GABRB3: variants seen among roughly 807,000 people sequenced by gnomAD.
GABRB3 encodes the protein gamma-aminobutyric acid type A receptor subunit beta3, also known as gamma-aminobutyric acid receptor subunit beta-3.
A neutral mutation model predicts 52.1 loss-of-function variants in GABRB3; 14 were observed. The ratio of observed to expected loss-of-function variants is 0.27; its 90% CI spans 0.18 to 0.42. GABRB3 has a LOEUF of 0.42. Ranked by LOEUF, GABRB3 falls within the 10% of genes least tolerant of loss-of-function variation. GABRB3 has a pLI of 1.00. For synonymous variants in GABRB3, 260 were observed against 232.3 expected (o/e 1.12, Z -1.08); for missense variants, 307 against 609.1 (o/e 0.50, Z 5.22).
intron 3 of GABRB3, among the ~76,000 whole-genome samples, chr15:26,682,968 G>A (rs1474139345): frequency 6.6e-6 from 1 of 152,164 alleles, no homozygotes; most frequent in Non-Finnish European, 1.5e-5. Flanking sequence ...AATGGCTGTT[G>A]GCCACTAGAG....
At chr15:26,742,045 G>GT (rs140037088) in intron 3 of GABRB3, among the ~76,000 whole-genome samples, 65 of 152,058 alleles carry the variant, frequency 4.3e-4, no homozygotes, top group African/African-American at 1.4e-3. Context: ...AAAGTACGCG[G>GT]TTTTTTTTAT....
chr15:26,596,566 T>C (rs985887041), intron 4 of GABRB3, among the ~76,000 whole-genome samples: 1 of 152,158 alleles, frequency 6.6e-6, no homozygotes, highest in Non-Finnish European at 1.5e-5. Context: ...AAATTATACA[T>C]TTATGGGTAA....
intron 3 of GABRB3, among the ~76,000 whole-genome samples, chr15:26,657,684 G>GT (rs2140603464): frequency 1.3e-5 from 2 of 152,198 alleles, no homozygotes; most frequent in East Asian, 3.9e-4. Context: ...ATTTCAAAGG[G>GT]TTTTATTCAC....
chr15:26,564,175 C>T (rs1890082706), intron 7 of GABRB3, among the ~76,000 whole-genome samples: 1 of 152,004 alleles, frequency 6.6e-6, no homozygotes, highest in African/African-American at 2.4e-5. Flanking sequence ...ATTAGGGATG[C>T]TCAAACTAAG....
At chr15:26,636,992 C>G (rs1387068525) in intron 3 of GABRB3, among the ~76,000 whole-genome samples, 1 of 152,174 alleles carries the variant, frequency 6.6e-6, no homozygotes, top group East Asian at 1.9e-4. Context: ...GTCTTGTTCC[C>G]ATTGGAGCAA....
intron 6 of GABRB3, among the ~76,000 whole-genome samples, chr15:26,578,355 G>A (rs546578899): frequency 6.6e-6 from 1 of 152,296 alleles, no homozygotes; most frequent in Admixed American, 6.5e-5. Flanking sequence ...AATAAATGCA[G>A]GACTCAGTAT....
At chr15:26,604,127 G>A in intron 4 of GABRB3, among the ~76,000 whole-genome samples, 1 of 151,816 alleles carries the variant, frequency 6.6e-6, no homozygotes. Context: ...TGGCAACAGT[G>A]AACAATCTAA....
chr15:26,715,058 A>G (rs1442440369), intron 3 of GABRB3, among the ~76,000 whole-genome samples: 1 of 152,174 alleles, frequency 6.6e-6, no homozygotes. Flanking sequence ...ATCCATACTG[A>G]GGGCATGCAG....
intron 3 of GABRB3, among the ~76,000 whole-genome samples, chr15:26,753,238 A>G (rs1275809213): frequency 6.6e-6 from 1 of 152,054 alleles, no homozygotes; most frequent in African/African-American, 2.4e-5. Flanking sequence ...CCTTCACGAC[A>G]CACATCAAGC....
At chr15:26,769,602 A>C (rs1186654635) in intron 3 of GABRB3, among the ~76,000 whole-genome samples, 1 of 152,100 alleles carries the variant, frequency 6.6e-6, no homozygotes, top group East Asian at 1.9e-4. Context: ...TCATCCACCC[A>C]TTCGTAACTC....
chr15:26,570,353 G>A (rs1890348152), intron 6 of GABRB3, among the ~76,000 whole-genome samples: 1 of 152,194 alleles, frequency 6.6e-6, no homozygotes. Flanking sequence ...TCCGTTTCTT[G>A]TAAATGTGGA....
At chr15:26,637,376 G>T (rs1313085449) in intron 3 of GABRB3, among the ~76,000 whole-genome samples, 1 of 152,164 alleles carries the variant, frequency 6.6e-6, no homozygotes, top group Non-Finnish European at 1.5e-5. Context: ...TACTCTAGAT[G>T]ATAGGTTTAT....
chr15:26,581,429 CTCTT>C (rs1890785202), intron 5 of GABRB3, among the ~76,000 whole-genome samples: 1 of 152,228 alleles, frequency 6.6e-6, no homozygotes, highest in Non-Finnish European at 1.5e-5. Context: ...CTACTCTCCT[CTCTT>C]TAATAAAACA....
chr15:26,755,300 C>T (rs1358811383), intron 3 of GABRB3, among the ~76,000 whole-genome samples: 2 of 152,088 alleles, frequency 1.3e-5, no homozygotes, highest in South Asian at 2.1e-4. Context: ...CCACCGCACC[C>T]GGCCACCCCT....
chr15:26,634,985 A>AAT (rs1555372933), intron 3 of GABRB3, among the ~76,000 whole-genome samples: 466 of 5,848 alleles, frequency 0.08, 16 homozygotes, highest in African/African-American at 0.12. Context: ...TGTATCTCTA[A>AAT]ATATATATAT....
At chr15:26,638,841 A>G (rs533819603) in intron 3 of GABRB3, among the ~76,000 whole-genome samples, 1 of 152,264 alleles carries the variant, frequency 6.6e-6, no homozygotes, top group African/African-American at 2.4e-5. Flanking sequence ...TCAACAGTCT[A>G]TATTTAGAAA....
chr15:26,590,426 A>T (rs1388381045), intron 4 of GABRB3, among the ~76,000 whole-genome samples: 1 of 152,088 alleles, frequency 6.6e-6, no homozygotes, highest in Non-Finnish European at 1.5e-5. Flanking sequence ...CTTTGCAGTC[A>T]CCCTACGGCA....
chr15:26,614,359 T>TA (rs1892182062), intron 4 of GABRB3: 2 of 152,280 alleles, frequency 1.3e-5, no homozygotes, highest in South Asian at 4.2e-4. Flanking sequence ...GAGAAGTGTA[T>TA]AAGCCAGAAT....
At chr15:26,696,188 T>A (rs1036480743) in intron 3 of GABRB3, among the ~76,000 whole-genome samples, 8 of 152,174 alleles carry the variant, frequency 5.3e-5, no homozygotes, top group African/African-American at 1.9e-4. Flanking sequence ...GGTGCACACA[T>A]ACTGATAAAG....
Sources: gnomAD v4.1 joint callset for allele counts (sites outside exome capture counted in the v4.1 genomes callset) on GRCh38, gnomAD v4.1.1 for gene constraint, MANE v1.5 for transcripts, NCBI Gene and HGNC (gene_info 2026-07-23, HGNC 2026-07-21) for gene names.